PRR5L: variants seen among roughly 807,000 people sequenced by gnomAD.
The protein encoded by PRR5L is proline-rich protein 5-like.
Under a neutral mutation model 36.4 loss-of-function variants are expected in PRR5L, and 21 were observed. The ratio of observed to expected loss-of-function variants is 0.58; its 90% CI spans 0.41 to 0.83. The LOEUF (loss-of-function observed/expected upper bound fraction) is 0.83, where lower values mean the gene tolerates loss of function less well. Among genes scored for constraint, PRR5L ranks in the 40% least tolerant of loss-of-function variants. The pLI, the probability that PRR5L is intolerant of heterozygous loss-of-function variation, is 0.00. For missense variants in PRR5L, 381 were observed against 473.3 expected (o/e 0.80, Z 1.81); for synonymous variants, 188 against 197.0 (o/e 0.95, Z 0.38).
chr11:36,387,991 C>G (rs545300919), intron 1 of PRR5L: 51 of 152,342 alleles, frequency 3.3e-4, no homozygotes, highest in Admixed American at 1.6e-3. Flanking sequence ...ATGGCAAACA[C>G]CAGATCGGAT....
At chr11:36,334,865 T>C (rs1036645529) in intron 1 of PRR5L, among the ~76,000 whole-genome samples, 21 of 152,308 alleles carry the variant, frequency 1.4e-4, no homozygotes, top group African/African-American at 5.1e-4. Context: ...ATATAATTCA[T>C]ATTGTTAATT....
In PRR5L at chr11:36,462,403, C is replaced by A. The variant is rs537729454; in HGVS notation, c.774C>A (p.Thr258=). 3.6e-5 allele frequency: 56 copies of A among 1,566,098 alleles called. No individual in the cohort carries two copies. In the East Asian group the frequency reaches 1.2e-3, roughly 33 times the overall value. The change falls in exon 9 of 9, where the codon ACC becomes ACA. Residue 258 remains threonine (T), a synonymous_variant. Transcript: ENST00000530639. ...VTVLNYASPI[T]AVSRPLNEMV... ...TCCTGAACTATGCCTCCCCGATAAC[C>A]GCAGTCAGCCGGCCACTGAATGAGA...
intron 1 of PRR5L, among the ~76,000 whole-genome samples, chr11:36,317,028 G>A (rs1163987278): frequency 6.6e-6 from 1 of 152,168 alleles, no homozygotes; most frequent in Non-Finnish European, 1.5e-5. Context: ...TACAGAGGTG[G>A]CTTCACTCCT....
At chr11:36,392,157 TTA>T (rs1410554831) in intron 1 of PRR5L, among the ~76,000 whole-genome samples, 8 of 152,240 alleles carry the variant, frequency 5.3e-5, no homozygotes. Context: ...TCATTCTTTT[TTA>T]TGGATGAAGA....
At chr11:36,399,065 T>G (rs1300406800) in intron 1 of PRR5L, among the ~76,000 whole-genome samples, 1 of 152,218 alleles carries the variant, frequency 6.6e-6, no homozygotes, top group Non-Finnish European at 1.5e-5. Flanking sequence ...CTAGCCAATT[T>G]AAGGATATGG....
At chr11:36,346,515 G>A (rs914074361) in intron 1 of PRR5L, among the ~76,000 whole-genome samples, 9 of 152,002 alleles carry the variant, frequency 5.9e-5, no homozygotes, top group Admixed American at 4.6e-4. Flanking sequence ...CCCGGGAGGC[G>A]GAGCTTGTAG....
intron 6 of PRR5L, among the ~76,000 whole-genome samples, chr11:36,441,808 G>A (rs963950095): frequency 1.3e-5 from 2 of 152,130 alleles, no homozygotes; most frequent in African/African-American, 2.4e-5. Flanking sequence ...TCCTTCTCTT[G>A]TACTCTGTGC....
intron 7 of PRR5L, among the ~76,000 whole-genome samples, chr11:36,447,064 C>T (rs932828387): frequency 6.6e-6 from 1 of 152,238 alleles, no homozygotes; most frequent in Non-Finnish European, 1.5e-5. Context: ...TGCCCAGTGG[C>T]TGCCTAGTGT....
intron 1 of PRR5L, among the ~76,000 whole-genome samples, chr11:36,300,358 C>T (rs1453367955): frequency 1.3e-5 from 2 of 152,034 alleles, no homozygotes; most frequent in African/African-American, 4.8e-5. Context: ...AAATGACCAG[C>T]TTTCTTGTGA....
intron 1 of PRR5L, among the ~76,000 whole-genome samples, chr11:36,379,854 T>A (rs1252172672): frequency 6.6e-6 from 1 of 152,216 alleles, no homozygotes; most frequent in Non-Finnish European, 1.5e-5. Context: ...TTGGGCAACT[T>A]CTGTGAGTCA....
At chr11:36,299,935 A>C (rs1014592228) in intron 1 of PRR5L, among the ~76,000 whole-genome samples, 1 of 152,174 alleles carries the variant, frequency 6.6e-6, no homozygotes, top group African/African-American at 2.4e-5. Flanking sequence ...CTTGTGATGC[A>C]GGGGCTGGCA....
chr11:36,336,921 G>T (rs1213702542), intron 1 of PRR5L, among the ~76,000 whole-genome samples: 2 of 152,004 alleles, frequency 1.3e-5, no homozygotes, highest in Non-Finnish European at 2.9e-5. Context: ...GTCGACCTCT[G>T]TATCCTGAGC....
intron 1 of PRR5L, among the ~76,000 whole-genome samples, chr11:36,298,581 A>C (rs1856339297): frequency 6.6e-6 from 1 of 152,154 alleles, no homozygotes; most frequent in Admixed American, 6.6e-5. Context: ...GGTGGAGCTC[A>C]GGTGGTAATG....
intron 1 of PRR5L, among the ~76,000 whole-genome samples, chr11:36,325,756 C>G (rs958982302): frequency 6.6e-6 from 1 of 152,116 alleles, no homozygotes; most frequent in African/African-American, 2.4e-5. Context: ...TCCTGTCTCT[C>G]GATGATGTAA....
At position 36,431,855 on chromosome 11, in the gene PRR5L, C is replaced by T. The variant is rs755485929; in HGVS notation, c.297C>T (p.Asn99=). The T allele has an allele frequency of 3.1e-6, 5 of 1,614,034 alleles. No homozygotes were observed. In the South Asian group the frequency reaches 5.5e-5, roughly 18 times the overall value. ...LGSFITDYFQ[N]QLLAKGLFFV... ...TGTTCTTTGTTCTCTTTTGGCAGAA[C>T]CAGCTTCTTGCAAAAGGACTGTTCT... is the stretch of plus-strand genomic sequence containing the variant. The change falls in exon 5 of 9, where the codon AAC becomes AAT. Residue 99 remains asparagine, a splice_region_variant and synonymous_variant. Transcript: ENST00000530639.
intron 1 of PRR5L, among the ~76,000 whole-genome samples, chr11:36,350,656 T>A (rs1856920143): frequency 6.6e-6 from 1 of 151,750 alleles, no homozygotes; most frequent in Non-Finnish European, 1.5e-5. Flanking sequence ...GTGTACACTG[T>A]ACCCAATGTG....
chr11:36,385,276 C>T (rs912169745), intron 1 of PRR5L, among the ~76,000 whole-genome samples: 8 of 152,146 alleles, frequency 5.3e-5, no homozygotes, highest in African/African-American at 1.9e-4. Flanking sequence ...ATTTGGGGGC[C>T]ACACCCAGAC....
chr11:36,402,717 G>A (rs1218051995), intron 2 of PRR5L, among the ~76,000 whole-genome samples: 1 of 152,228 alleles, frequency 6.6e-6, no homozygotes, highest in African/African-American at 2.4e-5. Flanking sequence ...ACACTGGGCT[G>A]TCGTCCCAGA....
chr11:36,423,152 A>T (rs565624141), intron 4 of PRR5L, among the ~76,000 whole-genome samples: 1 of 152,310 alleles, frequency 6.6e-6, no homozygotes, highest in South Asian at 2.1e-4. Context: ...GTGGCTTTGA[A>T]TGGGTTAATA....
Sources: gnomAD v4.1 joint callset for allele counts (sites outside exome capture counted in the v4.1 genomes callset) on GRCh38, gnomAD v4.1.1 for gene constraint, MANE v1.5 for transcripts, NCBI Gene and HGNC (gene_info 2026-07-23, HGNC 2026-07-21) for gene names.